The following SLC35F3 variants were observed in gnomAD, a reference collection of about 807,000 sequenced individuals.
The protein encoded by SLC35F3 is solute carrier family 35 member F3, also known as putative thiamine transporter SLC35F3.
In SLC35F3, 25 loss-of-function variants were observed where a neutral mutation model predicts 49.9. That is an observed-to-expected ratio of 0.50 (90% CI 0.37 to 0.70). The LOEUF (loss-of-function observed/expected upper bound fraction) is 0.70, where lower values mean the gene tolerates loss of function less well. SLC35F3 is among the 30% of genes least tolerant of loss of function. The pLI is 0.00. For missense variants in SLC35F3, 525 were observed against 639.8 expected (o/e 0.82, Z 1.94); for synonymous variants, 275 against 265.4 (o/e 1.04, Z -0.35).
chr1:233,930,210 A>G (rs1355758512), intron 2 of SLC35F3, among the ~76,000 whole-genome samples: 1 of 152,058 alleles, frequency 6.6e-6, no homozygotes, highest in African/African-American at 2.4e-5. Flanking sequence ...CTTGAGAGGT[A>G]CAGCTCCTGA....
intron 2 of SLC35F3, among the ~76,000 whole-genome samples, chr1:233,913,372 A>G (rs1043907468): frequency 3.3e-5 from 5 of 151,920 alleles, no homozygotes; most frequent in African/African-American, 1.2e-4. Context: ...CCTAAGTGTC[A>G]CCTCCTCCCA....
At chr1:234,205,341 G>A (rs1008159236) in intron 2 of SLC35F3, among the ~76,000 whole-genome samples, 2 of 152,334 alleles carry the variant, frequency 1.3e-5, no homozygotes, top group East Asian at 1.9e-4. Flanking sequence ...GCTTCTTTCG[G>A]TGAGGTGGTA....
chr1:234,041,140 CT>C (rs1401434638), intron 2 of SLC35F3, among the ~76,000 whole-genome samples: 1 of 152,182 alleles, frequency 6.6e-6, no homozygotes, highest in Non-Finnish European at 1.5e-5. Context: ...GGCTAATCTG[CT>C]TCTACAGTTA....
intron 2 of SLC35F3, among the ~76,000 whole-genome samples, chr1:234,193,824 G>A (rs931472060): frequency 1.3e-5 from 2 of 152,042 alleles, no homozygotes; most frequent in South Asian, 4.2e-4. Context: ...TATACAAATG[G>A]CCAACAAACA....
chr1:234,159,755 G>A, intron 2 of SLC35F3, among the ~76,000 whole-genome samples: 1 of 151,896 alleles, frequency 6.6e-6, no homozygotes, highest in East Asian at 1.9e-4. Context: ...TGTAGGCAAG[G>A]GATTCATCCA....
intron 3 of SLC35F3, among the ~76,000 whole-genome samples, chr1:234,241,688 T>C (rs1320939031): frequency 3.3e-5 from 5 of 149,698 alleles, no homozygotes; most frequent in Middle Eastern, 6.9e-3. Flanking sequence ...TGAGCTGAGA[T>C]TGTACCATTG....
chr1:234,311,107 G>A (rs1244550549), intron 4 of SLC35F3, among the ~76,000 whole-genome samples: 3 of 152,200 alleles, frequency 2.0e-5, no homozygotes, highest in African/African-American at 7.2e-5. Flanking sequence ...TTTGTAATTT[G>A]CAAAGCACTG....
At chr1:234,040,820 A>T (rs1159787304) in intron 2 of SLC35F3, among the ~76,000 whole-genome samples, 2 of 152,226 alleles carry the variant, frequency 1.3e-5, no homozygotes, top group Non-Finnish European at 2.9e-5. Flanking sequence ...GACCGACTTT[A>T]TTCTGGGATA....
chr1:233,935,558 G>T (rs1662310478), intron 2 of SLC35F3, among the ~76,000 whole-genome samples: 1 of 152,066 alleles, frequency 6.6e-6, no homozygotes, highest in Non-Finnish European at 1.5e-5. Flanking sequence ...GCTGTCCAGT[G>T]ACTTAAGACT....
At chr1:233,961,495 C>T (rs1662802940) in intron 2 of SLC35F3, among the ~76,000 whole-genome samples, 1 of 136,330 alleles carries the variant, frequency 7.3e-6, no homozygotes. Flanking sequence ...CTCGCTTTGT[C>T]CTCCAGGCTG....
chr1:233,960,922 C>G (rs527462158), intron 2 of SLC35F3, among the ~76,000 whole-genome samples: 60 of 152,180 alleles, frequency 3.9e-4, no homozygotes, highest in African/African-American at 1.4e-3. Flanking sequence ...CTGTGTCTCT[C>G]GGTGGCTCCA....
chr1:234,168,780 AGGGAAGCCACTGTG>A (rs1321186266), intron 2 of SLC35F3, among the ~76,000 whole-genome samples: 1 of 152,190 alleles, frequency 6.6e-6, no homozygotes, highest in Non-Finnish European at 1.5e-5. Context: ...AACCGTGAAG[AGGGAAGCCACTGTG>A]GGGACTCCCT....
chr1:234,094,429 C>T (rs958076619), intron 2 of SLC35F3, among the ~76,000 whole-genome samples: 1 of 152,238 alleles, frequency 6.6e-6, no homozygotes, highest in Non-Finnish European at 1.5e-5. Context: ...GCAATTTCCC[C>T]AGCCAGGGTC....
intron 3 of SLC35F3, among the ~76,000 whole-genome samples, chr1:234,305,591 G>A (rs539768227): frequency 6.6e-6 from 1 of 152,058 alleles, no homozygotes; most frequent in South Asian, 2.1e-4. Context: ...CACCATGTTG[G>A]TCAGGCTGGT....
At chr1:233,971,767 G>A (rs1481056518) in intron 2 of SLC35F3, among the ~76,000 whole-genome samples, 1 of 151,796 alleles carries the variant, frequency 6.6e-6, no homozygotes, top group African/African-American at 2.4e-5. Context: ...ACTCCCTTGT[G>A]GTCAACAATG....
intron 3 of SLC35F3, among the ~76,000 whole-genome samples, chr1:234,247,025 AC>A (rs779459682): frequency 2.0e-5 from 3 of 152,196 alleles, no homozygotes; most frequent in Non-Finnish European, 4.4e-5. Flanking sequence ...CAAGTTCAAG[AC>A]CCAGTTACCA....
intron 3 of SLC35F3, among the ~76,000 whole-genome samples, chr1:234,271,077 C>G (rs1668095225): frequency 6.6e-6 from 1 of 152,168 alleles, no homozygotes; most frequent in African/African-American, 2.4e-5. Context: ...TTCTAAAGAA[C>G]CCATTTCCTG....
chr1:234,152,212 A>ATTATTATTATTG lies in SLC35F3; in HGVS notation c.284-79194_284-79193insGTTATTATTATT, dbSNP rs761967033. On this transcript the variant is annotated intron_variant, in intron 2 of 7. Coordinates refer to ENST00000366618, the MANE Select transcript of SLC35F3 (RefSeq NM_173508.4). ...CAGTGCTAAAAGAAAATGGAGTAAC[A>ATTATTATTATTG]TTATTATTATTATTGTTATTATTAT... Among the ~76,000 whole-genome samples, 1,626 of 143,370 alleles carry ATTATTATTATTG rather than the reference A, an allele frequency of 0.011. 59 individuals carry two copies. In the East Asian group the frequency reaches 0.15, roughly 13 times the overall value. The allele number at this position is 143,370 out of a possible 152,430, so 94.1% of individuals were successfully genotyped here. A position where few individuals can be genotyped will look rare whatever the true frequency, so the allele number is the denominator to read the frequency against.
At chr1:234,168,902 A>G (rs1666356661) in intron 2 of SLC35F3, among the ~76,000 whole-genome samples, 1 of 152,166 alleles carries the variant, frequency 6.6e-6, no homozygotes, top group South Asian at 2.1e-4. Flanking sequence ...GATCTATAGA[A>G]GAGGAGATTT....
Sources: gnomAD v4.1 joint callset for allele counts (sites outside exome capture counted in the v4.1 genomes callset) on GRCh38, gnomAD v4.1.1 for gene constraint, MANE v1.5 for transcripts, NCBI Gene and HGNC (gene_info 2026-07-23, HGNC 2026-07-21) for gene names.